KCNMA1: variants seen among roughly 807,000 people sequenced by gnomAD.
KCNMA1 encodes potassium calcium-activated channel subfamily M alpha 1, also known as Calcium-activated potassium channel subunit alpha-1.
A neutral mutation model predicts 140.0 loss-of-function variants in KCNMA1; 29 were observed. The ratio of observed to expected loss-of-function variants is 0.21; its 90% confidence interval spans 0.15 to 0.28. KCNMA1 has a LOEUF of 0.28. Ranked by LOEUF, KCNMA1 falls within the 10% of genes least tolerant of loss-of-function variation. The pLI, the probability that KCNMA1 is intolerant of heterozygous loss-of-function variation, is 1.00. For missense variants in KCNMA1, 880 were observed against 1,602.2 expected, an observed-to-expected ratio of 0.55 and a Z score of 7.70; for synonymous variants, 612 against 611.9, an observed-to-expected ratio of 1.00 and a Z score of 0.00.
chr10:77,476,482 G>A (rs540324499), intron 1 of KCNMA1, among the ~76,000 whole-genome samples: 2 of 152,114 alleles, frequency 1.3e-5, no homozygotes, highest in African/African-American at 2.4e-5. Flanking sequence ...TCTGCTGCTC[G>A]GTCAGGGCCA....
chr10:77,019,060 T>C lies in KCNMA1; in HGVS notation c.1968A>G (p.Glu656=). ...INPGNHLKIQ[E]GTLGFFIASD... The stretch of plus-strand genomic sequence containing the variant: ...TTGCGATGAAAAATCCTAAAGTACC[T>C]TCTTGGATCTTAAGATGGTTTCCAG... Residue 656 remains glutamate, a synonymous_variant, in exon 17 of 28, where the codon GAA becomes GAG. Coordinates refer to ENST00000286628, the MANE Select transcript of KCNMA1 (RefSeq NM_001161352.2). 2.5e-6 allele frequency: 4 copies of C among 1,593,732 alleles called. No homozygotes were observed. Among genetic ancestry groups the C allele is most frequent in the Non-Finnish European group, 3.4e-6 (4 of 1,161,656 alleles).
At chr10:77,471,778 A>G (rs970372370) in intron 1 of KCNMA1, among the ~76,000 whole-genome samples, 7 of 151,778 alleles carry the variant, frequency 4.6e-5, no homozygotes, top group African/African-American at 1.7e-4. Context: ...CATACCACAC[A>G]TATACACACA....
At chr10:77,296,792 T>C (rs1282084583) in intron 2 of KCNMA1, among the ~76,000 whole-genome samples, 1 of 151,618 alleles carries the variant, frequency 6.6e-6, no homozygotes, top group Non-Finnish European at 1.5e-5. Context: ...CTCTAGCATG[T>C]GTCTGTCTCA....
At chr10:76,906,319 C>A (rs2047824354) in intron 25 of KCNMA1, among the ~76,000 whole-genome samples, 1 of 152,166 alleles carries the variant, frequency 6.6e-6, no homozygotes, top group Non-Finnish European at 1.5e-5. Context: ...TGGTATCATT[C>A]TGAAAAATAC....
chr10:77,102,915 C>T (rs527722949), intron 9 of KCNMA1, among the ~76,000 whole-genome samples: 8 of 152,220 alleles, frequency 5.3e-5, no homozygotes, highest in Non-Finnish European at 7.4e-5. Context: ...GGACAGGTTC[C>T]GAGGGTAGTT....
chr10:77,083,158 C>T (rs148686875), intron 12 of KCNMA1, among the ~76,000 whole-genome samples: 5 of 152,052 alleles, frequency 3.3e-5, no homozygotes, highest in East Asian at 1.9e-4. Context: ...TGCAGTGGGA[C>T]GGAAATCCCA....
At chr10:77,586,082 A>G (rs2077202977) in intron 1 of KCNMA1, among the ~76,000 whole-genome samples, 1 of 152,234 alleles carries the variant, frequency 6.6e-6, no homozygotes, top group Non-Finnish European at 1.5e-5. Context: ...TGTTCCCGGT[A>G]TATAATAAAG....
At chr10:77,341,599 T>C (rs1414074774) in intron 2 of KCNMA1, among the ~76,000 whole-genome samples, 1 of 152,178 alleles carries the variant, frequency 6.6e-6, no homozygotes, top group Non-Finnish European at 1.5e-5. Context: ...CCAGATCCCC[T>C]TGTGTTCTGA....
intron 1 of KCNMA1, among the ~76,000 whole-genome samples, chr10:77,543,620 A>C (rs1192056444): frequency 1.3e-5 from 2 of 152,202 alleles, no homozygotes; most frequent in African/African-American, 4.8e-5. Flanking sequence ...TGAATTCAGA[A>C]AAGTTAGCAG....
chr10:77,510,057 C>A (rs994578024), intron 1 of KCNMA1, among the ~76,000 whole-genome samples: 1 of 152,056 alleles, frequency 6.6e-6, no homozygotes, highest in Non-Finnish European at 1.5e-5. Context: ...CCACTCCTAC[C>A]CCCCACTTCA....
chr10:77,093,886 C>T (rs2096870481), intron 9 of KCNMA1, among the ~76,000 whole-genome samples: 1 of 152,198 alleles, frequency 6.6e-6, no homozygotes, highest in Non-Finnish European at 1.5e-5. Flanking sequence ...TACATATCTA[C>T]CATGTGAGAT....
chr10:77,023,122 G>A (rs1288430317), intron 16 of KCNMA1, among the ~76,000 whole-genome samples: 1 of 152,168 alleles, frequency 6.6e-6, no homozygotes, highest in Non-Finnish European at 1.5e-5. Context: ...ATTTCATTGG[G>A]TATCTCTCGC....
chr10:77,506,592 A>AGTGTGT (rs1303397612), intron 1 of KCNMA1, among the ~76,000 whole-genome samples: 1 of 83,062 alleles, frequency 1.2e-5, no homozygotes, highest in African/African-American at 7.3e-5. Flanking sequence ...AGAGAGAGAG[A>AGTGTGT]GAGAGTGTGT....
At chr10:77,348,853 A>AT (rs1381819825) in intron 2 of KCNMA1, among the ~76,000 whole-genome samples, 7 of 152,194 alleles carry the variant, frequency 4.6e-5, no homozygotes, top group African/African-American at 1.7e-4. Flanking sequence ...TCTTTAGGGC[A>AT]TATCTTTGCA....
At chr10:77,309,087 G>A (rs2078592825) in intron 2 of KCNMA1, among the ~76,000 whole-genome samples, 1 of 152,200 alleles carries the variant, frequency 6.6e-6, no homozygotes, top group Non-Finnish European at 1.5e-5. Flanking sequence ...CCAACCACGT[G>A]CCGGCAGAGT....
chr10:76,991,212 T>C (rs563793650), intron 19 of KCNMA1, among the ~76,000 whole-genome samples: 84 of 152,260 alleles, frequency 5.5e-4, no homozygotes, highest in Non-Finnish European at 9.0e-4. Context: ...AATAATCAGG[T>C]TTGCTGAAAT....
intron 2 of KCNMA1, among the ~76,000 whole-genome samples, chr10:77,266,156 T>C (rs776290916): frequency 4.0e-5 from 6 of 148,734 alleles, no homozygotes; most frequent in Admixed American, 6.7e-5. Flanking sequence ...CTTGTAAAGG[T>C]GTGGCTGAGG....
At chr10:76,934,232 A>C (rs1591177178) in intron 23 of KCNMA1, among the ~76,000 whole-genome samples, 1 of 152,206 alleles carries the variant, frequency 6.6e-6, no homozygotes, top group Admixed American at 6.5e-5. Flanking sequence ...TCGGCCCCCC[A>C]GTGTGCTGGG....
chr10:76,956,492 G>A (rs142089087), intron 20 of KCNMA1, among the ~76,000 whole-genome samples: 157 of 152,122 alleles, frequency 1.0e-3, no homozygotes, highest in African/African-American at 3.1e-3. Flanking sequence ...AAAACCTCCC[G>A]GAACAAAGAC....
Sources: gnomAD v4.1 joint callset for allele counts (sites outside exome capture counted in the v4.1 genomes callset) on GRCh38, gnomAD v4.1.1 for gene constraint, MANE v1.5 for transcripts, NCBI Gene and HGNC (gene_info 2026-07-23, HGNC 2026-07-21) for gene names.